Variants in DPP10 observed in about 807,000 individuals in gnomAD.
The protein encoded by DPP10 is inactive dipeptidyl peptidase 10.
DPP10 carries 33 observed loss-of-function variants against 120.9 expected under a neutral mutation model. The ratio of observed to expected loss-of-function variants is 0.27; its 90% CI spans 0.21 to 0.37. The LOEUF (loss-of-function observed/expected upper bound fraction) is 0.37. Among genes scored for constraint, DPP10 ranks in the 10% least tolerant of loss-of-function variants. The probability of loss-of-function intolerance (pLI) is 1.00; values close to 1 mark genes in which losing one functional copy is unlikely to be tolerated. For missense variants in DPP10, 816 were observed against 942.8 expected (o/e 0.87, Z 1.76); for synonymous variants, 337 against 326.1 (o/e 1.03, Z -0.36).
intron 19 of DPP10, among the ~76,000 whole-genome samples, chr2:115,799,991 A>C (rs986923697): frequency 5.3e-5 from 8 of 151,618 alleles, no homozygotes; most frequent in Non-Finnish European, 1.2e-4. Flanking sequence ...CTAGTTCTAG[A>C]TCCCTGAGGA....
intron 3 of DPP10, among the ~76,000 whole-genome samples, chr2:115,395,711 A>G (rs951993171): frequency 6.6e-6 from 1 of 152,118 alleles, no homozygotes. Context: ...TTTTCAATAG[A>G]TGAAACTCAT....
intron 1 of DPP10, among the ~76,000 whole-genome samples, chr2:115,015,504 A>C: frequency 6.6e-6 from 1 of 152,170 alleles, no homozygotes; most frequent in East Asian, 1.9e-4. Flanking sequence ...TGGCCAGGGC[A>C]ATCAGGCCAG....
intron 1 of DPP10, among the ~76,000 whole-genome samples, chr2:115,282,161 C>T (rs2060185206): frequency 6.6e-6 from 1 of 151,968 alleles, no homozygotes; most frequent in Non-Finnish European, 1.5e-5. Context: ...TATATCCCAA[C>T]AACTTGTAAC....
intron 1 of DPP10, among the ~76,000 whole-genome samples, chr2:115,289,311 A>T (rs1196290202): frequency 6.6e-6 from 1 of 152,038 alleles, no homozygotes; most frequent in Admixed American, 6.6e-5. Flanking sequence ...AACAGACAAC[A>T]CAAACAATGG....
chr2:114,892,052 C>T (rs375653224), intron 1 of DPP10, among the ~76,000 whole-genome samples: 2 of 152,266 alleles, frequency 1.3e-5, no homozygotes, highest in East Asian at 1.9e-4. Context: ...ACCCTTACCC[C>T]CACCATGTCT....
At chr2:114,924,928 T>C (rs1001804635) in intron 1 of DPP10, among the ~76,000 whole-genome samples, 1 of 152,120 alleles carries the variant, frequency 6.6e-6, no homozygotes, top group Admixed American at 6.6e-5. Flanking sequence ...AAAACATAGG[T>C]TGGCTGGGCA....
intron 1 of DPP10, among the ~76,000 whole-genome samples, chr2:115,215,946 A>G (rs1451814567): frequency 5.9e-5 from 9 of 152,196 alleles, no homozygotes; most frequent in Admixed American, 5.9e-4. Context: ...AATGTGGTGT[A>G]TATGCATACC....
In DPP10 at chr2:115,228,350, G is replaced by T. The variant is rs543002500; in HGVS notation, c.61-80889G>T. On this transcript the variant is annotated intron_variant, in intron 1 of 25. Transcript: ENST00000410059. Reference sequence around the variant, plus strand: ...CACCTTAAGCATTTACCCTTTCTTTGTGTTACAGACTATAAAATTATACTC... The same window carrying T: ...CACCTTAAGCATTTACCCTTTCTTTTTGTTACAGACTATAAAATTATACTC... Among the ~76,000 whole-genome samples the T allele has an allele frequency of 1.9e-3, 285 of 152,096 alleles. 2 individuals are homozygous for T. The highest frequency in any genetic ancestry group is 4.4e-3 in the African/African-American group (183 of 41,480).
intron 1 of DPP10, among the ~76,000 whole-genome samples, chr2:115,305,769 A>G (rs2061336454): frequency 6.6e-6 from 1 of 151,894 alleles, no homozygotes; most frequent in African/African-American, 2.4e-5. Flanking sequence ...AAAAAAAAAT[A>G]AAATTTTCTA....
Position 115,274,345 on chromosome 2 carries a change from A to T in DPP10, c.61-34894A>T, listed in dbSNP as rs1472049495. On this transcript the variant is annotated intron_variant, in intron 1 of 25. Transcript: ENST00000410059. ...CACTAGAACCTGCAGAATTAGCCAT[A>T]CTTTGACATTAAAACTATTACATTG... 2.0e-5 allele frequency among the ~76,000 whole-genome samples: 3 copies of T among 152,162 alleles called. No individual in the cohort carries two copies. The South Asian group carries it at 6.2e-4, about 32-fold the overall frequency.
At chr2:115,639,377 A>G (rs140628971) in intron 5 of DPP10, among the ~76,000 whole-genome samples, 1 of 152,314 alleles carries the variant, frequency 6.6e-6, no homozygotes, top group East Asian at 1.9e-4. Flanking sequence ...CAATTTCCTT[A>G]TAACCTAGGA....
intron 1 of DPP10, among the ~76,000 whole-genome samples, chr2:114,939,543 T>G (rs1696740535): frequency 6.6e-6 from 1 of 152,136 alleles, no homozygotes; most frequent in African/African-American, 2.4e-5. Context: ...GCTTTTATAA[T>G]AAATTTAAGC....
intron 1 of DPP10, among the ~76,000 whole-genome samples, chr2:114,996,749 C>T (rs1222718060): frequency 6.6e-6 from 1 of 151,818 alleles, no homozygotes; most frequent in African/African-American, 2.4e-5. Flanking sequence ...TTTGGGAGGC[C>T]GAGGTGGGCA....
Position 115,802,507 on chromosome 2 carries a change from T to C in DPP10, c.1700+11151T>C, listed in dbSNP as rs552424893. ...GTGTTTGCTCTTGCTTTTCTAGTTC[T>C]TTTAATTGTGATGTTAGGGTGTCAA... On this transcript the variant is annotated intron_variant, in intron 19 of 25. Transcript: ENST00000410059. Among the ~76,000 whole-genome samples, 158 of 152,344 alleles carry C rather than the reference T, an allele frequency of 1.0e-3. 1 individual carries two copies. The highest frequency in any genetic ancestry group is 3.5e-3 in the African/African-American group (145 of 41,572).
chr2:115,332,872 G>A (rs1048665743), intron 2 of DPP10, among the ~76,000 whole-genome samples: 8 of 151,982 alleles, frequency 5.3e-5, no homozygotes, highest in Non-Finnish European at 8.8e-5. Flanking sequence ...GAATCGGTGT[G>A]GTGTGGTGCT....
intron 1 of DPP10, among the ~76,000 whole-genome samples, chr2:115,230,035 A>C (rs530433371): frequency 6.6e-6 from 1 of 151,784 alleles, no homozygotes; most frequent in East Asian, 1.9e-4. Flanking sequence ...AACAATATTG[A>C]TTCTTCGAGC....
chr2:115,382,344 T>C (rs2066455108), intron 3 of DPP10, among the ~76,000 whole-genome samples: 1 of 152,180 alleles, frequency 6.6e-6, no homozygotes, highest in African/African-American at 2.4e-5. Flanking sequence ...GTCACCCCTT[T>C]CTTTGACTAG....
At chr2:115,033,695 TC>T (rs773109544) in intron 1 of DPP10, among the ~76,000 whole-genome samples, 5,013 of 44,992 alleles carry the variant, frequency 0.11, 121 homozygotes, top group South Asian at 0.2. Context: ...ATATCTTCCC[TC>T]CTTTTTTTTT....
At chr2:114,766,992 AT>A (rs1680762605) in intron 1 of DPP10, among the ~76,000 whole-genome samples, 1 of 151,506 alleles carries the variant, frequency 6.6e-6, no homozygotes, top group African/African-American at 2.4e-5. Flanking sequence ...TCAGTTATCT[AT>A]TTAACAGTGT....
Sources: gnomAD v4.1 joint callset for allele counts (sites outside exome capture counted in the v4.1 genomes callset) on GRCh38, gnomAD v4.1.1 for gene constraint, MANE v1.5 for transcripts, NCBI Gene and HGNC (gene_info 2026-07-23, HGNC 2026-07-21) for gene names.